ST7: variants seen among roughly 807,000 people sequenced by gnomAD.
The protein encoded by ST7 is suppressor of tumorigenicity 7 protein.
ST7 carries 28 observed loss-of-function variants against 78.7 expected under a neutral mutation model. The observed-to-expected ratio is 0.36, with a 90% CI of 0.26 to 0.49. The LOEUF is 0.49. Among genes scored for constraint, ST7 ranks in the 20% least tolerant of loss-of-function variants. The probability of loss-of-function intolerance (pLI) is 0.99; values close to 1 mark genes in which losing one functional copy is unlikely to be tolerated. For missense variants in ST7, 418 were observed against 696.0 expected (o/e 0.60, Z 4.49); for synonymous variants, 247 against 249.6 (o/e 0.99, Z 0.10).
At chr7:116,985,716 T>C (rs2116352817) in intron 1 of ST7, among the ~76,000 whole-genome samples, 1 of 152,360 alleles carries the variant, frequency 6.6e-6, no homozygotes, top group Non-Finnish European at 1.5e-5. Context: ...ATTTGTGTTA[T>C]GCAACTATTT....
At position 117,107,113 on chromosome 7, in the gene ST7, G is replaced by GTA. The variant is rs141511029; in HGVS notation, c.234+7283_234+7284dup. Among the ~76,000 whole-genome samples the GTA allele has an allele frequency of 2.7e-3, 406 of 149,690 alleles. 3 individuals carry two copies. Among genetic ancestry groups the GTA allele is most frequent in the East Asian group, 0.022 (114 of 5,124 alleles). ...AGTATTCCATGGTGTGTGTGTATGT[G>GTA]TATATATATATATATGTATACATAC... On this transcript the variant is annotated intron_variant, in intron 2 of 15. Transcript: ENST00000323984.
At chr7:117,169,317 G>C (rs980113419) in intron 9 of ST7, among the ~76,000 whole-genome samples, 4 of 151,788 alleles carry the variant, frequency 2.6e-5, no homozygotes, top group African/African-American at 9.7e-5. Flanking sequence ...TGTATTTTTA[G>C]TAGAGATGGG....
rs775328738 is a variant in ST7 at position 117,130,591 on chromosome 7, C to T, written c.550C>T (p.Arg184Cys). ...CTTTACTTGTGACTCGGACCATCTG[C>T]GTCCCGCAGATGCAAGTATGAAAAA... ...TFFTCDSDHL[R>C]PADAIMQKAW... Residue 184 changes from arginine (R) to cysteine (C), a missense_variant, in exon 5 of 16, where the codon CGT becomes TGT. This residue lies in a region of ST7 where 288 missense variants were observed against 537.1 expected (regional missense o/e 0.54). Coordinates refer to ENST00000323984, the MANE Select transcript of ST7 (RefSeq NM_001369598.1). 7.1e-5 allele frequency: 115 copies of T among 1,609,578 alleles called. No individual in the cohort carries two copies. The highest frequency in any genetic ancestry group is 1.6e-4 in the Middle Eastern group (1 of 6,066).
chr7:117,130,977 T>G (rs956774211), intron 5 of ST7, among the ~76,000 whole-genome samples: 2 of 151,846 alleles, frequency 1.3e-5, no homozygotes, highest in African/African-American at 4.8e-5. Context: ...TTCAGATGAT[T>G]AATGAATATA....
chr7:117,221,647 G>A (rs1793098771), intron 14 of ST7, among the ~76,000 whole-genome samples: 1 of 152,156 alleles, frequency 6.6e-6, no homozygotes. Context: ...CATAGGCGGT[G>A]CTCCTCTTCC....
At chr7:117,078,264 A>C (rs1378244540) in intron 1 of ST7, among the ~76,000 whole-genome samples, 2 of 152,190 alleles carry the variant, frequency 1.3e-5, no homozygotes, top group Non-Finnish European at 2.9e-5. Flanking sequence ...ATAGCTTGTA[A>C]CTCCTTGATG....
At chr7:117,138,294 A>C (rs1434889850) in intron 8 of ST7, 141 bp from the exon 9 acceptor site, 3 of 533,918 alleles carry the variant, frequency 5.6e-6, no homozygotes, top group African/African-American at 1.9e-5. Flanking sequence ...TTGGGAGTCT[A>C]AGTGCTTTTA....
In ST7 at chr7:117,099,835, G is replaced by C. The variant is rs759010682; in HGVS notation, c.225G>C (p.Gly75=). ...ALTGTSSLIS[G]LILIFEWWYF... ...CAGGCACTTCCTCACTAATATCAGGGCTTATTTTGGTAAGTGGTGGAGTCC... is the reference window on the plus strand; with the variant it reads ...CAGGCACTTCCTCACTAATATCAGGCCTTATTTTGGTAAGTGGTGGAGTCC... The change falls in exon 2 of 16, where the codon GGG becomes GGC. Residue 75 remains glycine, a synonymous_variant. Transcript: ENST00000323984. 1.9e-6 allele frequency: 3 copies of C among 1,612,974 alleles called. No individual in the cohort carries two copies. In the African/African-American group the frequency reaches 4.0e-5, roughly 22 times the overall value.
intron 1 of ST7, among the ~76,000 whole-genome samples, chr7:117,024,280 T>A (rs1796081992): frequency 6.6e-6 from 1 of 152,210 alleles, no homozygotes; most frequent in Non-Finnish European, 1.5e-5. Context: ...GATTTTGCAC[T>A]GCTGACATCT....
chr7:117,124,284 T>C (rs964995638), intron 3 of ST7, among the ~76,000 whole-genome samples: 6 of 152,128 alleles, frequency 3.9e-5, no homozygotes, highest in Admixed American at 2.6e-4. Context: ...CAGCTTTATA[T>C]GATATTGTCT....
chr7:117,214,022 G>A (rs1372810778), intron 13 of ST7, among the ~76,000 whole-genome samples: 2 of 151,958 alleles, frequency 1.3e-5, no homozygotes, highest in Non-Finnish European at 2.9e-5. Context: ...TTTTGCTGGG[G>A]CCCTATTTTA....
intron 9 of ST7, among the ~76,000 whole-genome samples, chr7:117,141,572 C>T (rs1052919509): frequency 2.0e-5 from 3 of 152,186 alleles, no homozygotes; most frequent in East Asian, 1.9e-4. Flanking sequence ...TTTGCAATCA[C>T]GAATATGGAA....
rs536398474 is a variant in ST7 at position 117,003,405 on chromosome 7, C to T, written c.151+49714C>T. Among the ~76,000 whole-genome samples, 7 of 152,240 alleles carry T rather than the reference C, an allele frequency of 4.6e-5. No homozygotes were observed. In the South Asian group the frequency reaches 1.2e-3, roughly 27 times the overall value. On this transcript the variant is annotated intron_variant, in intron 1 of 15. Coordinates refer to ENST00000323984, the MANE Select transcript of ST7 (RefSeq NM_001369598.1). ...CTCTGACTCCTGGGTTCAAGCAATT[C>T]TCCTGCCTCAGCCTCCTGAGTAGCT...
intron 9 of ST7, among the ~76,000 whole-genome samples, chr7:117,163,038 T>C (rs1295738461): frequency 6.6e-6 from 1 of 152,208 alleles, no homozygotes; most frequent in Non-Finnish European, 1.5e-5. Flanking sequence ...TAACTTTCCG[T>C]TCCTGGCTTA....
chr7:117,181,314 A>G (rs185318378), intron 10 of ST7, among the ~76,000 whole-genome samples: 1 of 152,278 alleles, frequency 6.6e-6, no homozygotes, highest in East Asian at 1.9e-4. Flanking sequence ...TCTATTGTCC[A>G]AAAAAACAGT....
At chr7:117,009,964 A>C (rs919221063) in intron 1 of ST7, among the ~76,000 whole-genome samples, 12 of 152,178 alleles carry the variant, frequency 7.9e-5, no homozygotes, top group African/African-American at 2.7e-4. Context: ...CATAACAACA[A>C]ACAGGTGTTG....
intron 2 of ST7, among the ~76,000 whole-genome samples, chr7:117,106,100 G>A (rs1670338903): frequency 1.3e-5 from 2 of 152,000 alleles, no homozygotes; most frequent in South Asian, 4.1e-4. Context: ...CCGGGTTCAC[G>A]CCATTCTCCT....
chr7:116,972,988 A>G (rs1241399371), intron 1 of ST7: 2 of 760,792 alleles, frequency 2.6e-6, no homozygotes, highest in Non-Finnish European at 4.5e-6. Context: ...TCCCTCACCC[A>G]TTTGTTTATT....
intron 2 of ST7, among the ~76,000 whole-genome samples, chr7:117,101,352 T>C (rs1184292146): frequency 6.6e-6 from 1 of 152,186 alleles, no homozygotes; most frequent in Non-Finnish European, 1.5e-5. Context: ...GGTCAGCCAC[T>C]CACATAAGAG....
Sources: allele counts gnomAD v4.1 joint callset (sites outside exome capture counted in the v4.1 genomes callset), GRCh38; gene constraint gnomAD v4.1.1; regional missense constraint gnomAD v4.1.1; transcripts MANE v1.5; gene names NCBI Gene and HGNC (gene_info 2026-07-23, HGNC 2026-07-21).